Variants in CHN2 observed in about 807,000 individuals in gnomAD.
The protein encoded by CHN2 is chimerin 2.
In CHN2, 35 loss-of-function variants were observed where a neutral mutation model predicts 56.3. That is an observed-to-expected ratio of 0.62 (90% confidence interval 0.47 to 0.82). The LOEUF (loss-of-function observed/expected upper bound fraction) is 0.82, where lower values mean the gene tolerates loss of function less well. CHN2 is among the 40% of genes least tolerant of loss of function. CHN2 has a pLI of 0.00. For synonymous variants in CHN2, 210 were observed against 212.8 expected (o/e 0.99, Z 0.12); for missense variants, 491 against 580.5 (o/e 0.85, Z 1.58).
chr7:29,202,198 A>T (rs894779151), intron 1 of CHN2, among the ~76,000 whole-genome samples: 2 of 152,186 alleles, frequency 1.3e-5, no homozygotes, highest in African/African-American at 4.8e-5. Context: ...GTGTGGACTG[A>T]GGTTGCTAGT....
intron 5 of CHN2, chr7:29,400,321 G>A (rs1252344097): frequency 1.8e-5 from 10 of 571,218 alleles, no homozygotes; most frequent in Admixed American, 6.4e-5. Context: ...AGCAGGAACC[G>A]CCATCTCTTC....
At chr7:29,348,942 A>G (rs927464593) in intron 1 of CHN2, among the ~76,000 whole-genome samples, 14 of 152,202 alleles carry the variant, frequency 9.2e-5, no homozygotes, top group African/African-American at 2.2e-4. Flanking sequence ...GATAATTTCT[A>G]CATATATGAA....
intron 1 of CHN2, among the ~76,000 whole-genome samples, chr7:29,270,910 T>A (rs1790584149): frequency 6.6e-6 from 1 of 152,142 alleles, no homozygotes; most frequent in Non-Finnish European, 1.5e-5. Flanking sequence ...GTATTTGCAT[T>A]TATAATTCTC....
At chr7:29,509,613 G>C in intron 12 of CHN2, 1 of 421,656 alleles carries the variant, frequency 2.4e-6, no homozygotes, top group Non-Finnish European at 4.4e-6. Flanking sequence ...GGGAGGCCGA[G>C]GTGGGCGGAT....
At chr7:29,505,964 G>A (rs1054155641) in intron 10 of CHN2, among the ~76,000 whole-genome samples, 18 of 152,128 alleles carry the variant, frequency 1.2e-4, no homozygotes, top group African/African-American at 2.9e-4. Context: ...TCTATACATC[G>A]GCAGCTTTTT....
intron 2 of CHN2, among the ~76,000 whole-genome samples, chr7:29,172,433 C>A (rs1276665656): frequency 6.6e-6 from 1 of 152,134 alleles, no homozygotes; most frequent in Admixed American, 6.5e-5. Flanking sequence ...ATCTCTGTCT[C>A]ATCTATCATC....
At chr7:29,233,874 C>T (rs1786940003) in intron 1 of CHN2, among the ~76,000 whole-genome samples, 1 of 107,694 alleles carries the variant, frequency 9.3e-6, no homozygotes, top group Non-Finnish European at 1.8e-5. Context: ...CGCTCTGTCG[C>T]CCAGGCTGGA....
At chr7:29,361,565 G>A (rs149375635) in intron 2 of CHN2, among the ~76,000 whole-genome samples, 3 of 152,300 alleles carry the variant, frequency 2.0e-5, no homozygotes, top group African/African-American at 4.8e-5. Context: ...GCAGTTCCTC[G>A]CTTCTGGGGT....
rs530736182 is a variant in CHN2, at chr7:29,354,757, C to A, written c.88+94C>A. 9.8e-6 allele frequency: 11 copies of A among 1,121,780 alleles called. No homozygotes were observed. In the African/African-American group the frequency reaches 1.7e-4, roughly 17 times the overall value. The allele number at this position is 1,121,780 out of a possible 1,614,324, so 69.5% of individuals were successfully genotyped here. On this transcript the variant is annotated intron_variant, in intron 2 of 12. Transcript: ENST00000222792. The stretch of plus-strand genomic sequence containing the variant: ...AGCGATGTAGTGCACACAAGCGTTC[C>A]CACCTCACAGCACTGAAAACCCAAA...
chr7:29,413,073 G>A (rs753968672), intron 6 of CHN2, among the ~76,000 whole-genome samples: 4 of 152,114 alleles, frequency 2.6e-5, no homozygotes, highest in Admixed American at 6.5e-5. Flanking sequence ...ATGTCTGGCC[G>A]GGTCTTATGA....
chr7:29,212,373 A>G (rs548150887), intron 1 of CHN2: 11 of 1,588,648 alleles, frequency 6.9e-6, no homozygotes, highest in African/African-American at 1.3e-5. Context: ...ATCTTAACCT[A>G]TGGCTGTGAT....
chr7:29,157,301 T>G (rs1007993399), intron 2 of CHN2, among the ~76,000 whole-genome samples: 3 of 152,072 alleles, frequency 2.0e-5, no homozygotes, highest in African/African-American at 4.8e-5. Context: ...TACTGCATCT[T>G]TAATCAACCT....
intron 6 of CHN2, among the ~76,000 whole-genome samples, chr7:29,438,267 C>T (rs369679512): frequency 8.5e-5 from 13 of 152,210 alleles, no homozygotes; most frequent in East Asian, 5.8e-4. Flanking sequence ...GAAATAAACA[C>T]TATGCAGATT....
chr7:29,386,404 G>A (rs1800919896), intron 3 of CHN2, among the ~76,000 whole-genome samples: 1 of 152,134 alleles, frequency 6.6e-6, no homozygotes, highest in Non-Finnish European at 1.5e-5. Flanking sequence ...GCCCTGTGTA[G>A]GAGGCTGCTA....
At chr7:29,499,782 A>G in intron 8 of CHN2, 85 bp from the exon 9 acceptor site, 1 of 1,283,904 alleles carries the variant, frequency 7.8e-7, no homozygotes, top group Non-Finnish European at 1.1e-6. Context: ...TTGGGTGGTG[A>G]TATTTTTATT....
At chr7:29,254,094 G>A (rs1211353689) in intron 1 of CHN2, among the ~76,000 whole-genome samples, 1 of 152,132 alleles carries the variant, frequency 6.6e-6, no homozygotes, top group Non-Finnish European at 1.5e-5. Flanking sequence ...TAGTAGAGAC[G>A]GGTTTTCACC....
At chr7:29,412,521 A>G (rs968742) in intron 6 of CHN2, among the ~76,000 whole-genome samples, 92,285 of 151,440 alleles carry the variant, frequency 0.61, 30,138 homozygotes, top group African/African-American at 0.86. Flanking sequence ...TAGTAGAGAC[A>G]GGTTTCACCA....
At chr7:29,295,258 A>G (rs1793032050) in intron 1 of CHN2, among the ~76,000 whole-genome samples, 1 of 151,736 alleles carries the variant, frequency 6.6e-6, no homozygotes, top group South Asian at 2.1e-4. Flanking sequence ...GGTTGAATCC[A>G]CAGATGTGGA....
At chr7:29,415,673 A>G (rs1480960285) in intron 6 of CHN2, among the ~76,000 whole-genome samples, 1 of 152,148 alleles carries the variant, frequency 6.6e-6, no homozygotes, top group Non-Finnish European at 1.5e-5. Context: ...GGCCACATAA[A>G]GTAGTCTCCA....
Sources: allele counts gnomAD v4.1 joint callset (sites outside exome capture counted in the v4.1 genomes callset), GRCh38; gene constraint gnomAD v4.1.1; transcripts MANE v1.5; gene names NCBI Gene and HGNC (gene_info 2026-07-23, HGNC 2026-07-21).